Variants in C13orf46 observed in about 807,000 individuals in gnomAD.
The protein encoded by C13orf46 is chromosome 13 open reading frame 46.
chr13:113,939,076 C>T, the C13orf46 span, among the ~76,000 whole-genome samples: 3 of 152,228 alleles, frequency 2.0e-5, no homozygotes, highest in South Asian at 2.1e-4. Context: ...TTGTAAACTC[C>T]GGGAGGGCAG....
chr13:113,945,619 A>G, the C13orf46 span, among the ~76,000 whole-genome samples: 1 of 121,898 alleles, frequency 8.2e-6, no homozygotes, highest in South Asian at 2.6e-4. Context: ...AAAGAAAGAA[A>G]GAAAGAAAGA....
At chr13:113,943,956 C>T in the C13orf46 span, among the ~76,000 whole-genome samples, 2 of 152,186 alleles carry the variant, frequency 1.3e-5, no homozygotes, top group Non-Finnish European at 2.9e-5. Flanking sequence ...TCATCACTGA[C>T]GGGCTGCTCT....
the C13orf46 span, among the ~76,000 whole-genome samples, chr13:113,943,874 G>A: frequency 1.3e-5 from 2 of 152,138 alleles, no homozygotes; most frequent in South Asian, 2.1e-4. Flanking sequence ...GCAAATGCCC[G>A]CAGTCCCTGC....
chr13:113,938,728 C>T, the C13orf46 span, among the ~76,000 whole-genome samples: 7 of 152,316 alleles, frequency 4.6e-5, no homozygotes, highest in South Asian at 2.1e-4. Flanking sequence ...ACACGTCCGC[C>T]GTGAACTTTC....
chr13:113,964,769 C>T (rs1010837079), intron 6 of C13orf46, among the ~76,000 whole-genome samples, 158 bp downstream of exon 6: 2 of 152,188 alleles, frequency 1.3e-5, no homozygotes, highest in African/African-American at 4.8e-5. Context: ...CCCTCAGGCT[C>T]GGCAGGTGCT....
chr13:113,960,902 C>A (rs1322099827), intron 6 of C13orf46, among the ~76,000 whole-genome samples: 28 of 152,364 alleles, frequency 1.8e-4, no homozygotes, highest in African/African-American at 6.7e-4. Context: ...GGCTTAAAAA[C>A]CAAATATTTT....
Position 113,954,865 on chromosome 13 carries a change from T to C in C13orf46, c.*1908A>G, listed in dbSNP as rs1246308665. 4 of 158,748 alleles carry C rather than the reference T, an allele frequency of 2.5e-5. No homozygotes were observed. The highest frequency in any genetic ancestry group is 5.1e-5 in the Non-Finnish European group (4 of 77,686). The allele number at this position is 158,748 out of a possible 1,614,324, so 9.8% of individuals were successfully genotyped here. On this transcript the variant is annotated 3_prime_UTR_variant, in exon 7 of 7. Transcript: ENST00000636427. ...TCCGGTGGAGATGAGGAGCATCTCGTGGGGAGGAGGAGCATCTGGCAGAGA... is the reference window on the plus strand; with the variant it reads ...TCCGGTGGAGATGAGGAGCATCTCGCGGGGAGGAGGAGCATCTGGCAGAGA...
chr13:113,941,880 T>C, the C13orf46 span, among the ~76,000 whole-genome samples: 1 of 152,238 alleles, frequency 6.6e-6, no homozygotes, highest in Non-Finnish European at 1.5e-5. Context: ...TGCTTTACTC[T>C]CACCGCCTTC....
chr13:113,940,095 C>T, the C13orf46 span, among the ~76,000 whole-genome samples: 2 of 152,250 alleles, frequency 1.3e-5, no homozygotes, highest in Non-Finnish European at 2.9e-5. Context: ...CCTGGCCCTG[C>T]CCATGCGGCC....
At chr13:113,935,552 G>A in the C13orf46 span, among the ~76,000 whole-genome samples, 1 of 152,220 alleles carries the variant, frequency 6.6e-6, no homozygotes, top group Non-Finnish European at 1.5e-5. Flanking sequence ...ATATCTCCCA[G>A]AAAGCAAACA....
chr13:113,971,760 C>T (rs1455093673), intron 1 of C13orf46, among the ~76,000 whole-genome samples: 1 of 152,210 alleles, frequency 6.6e-6, no homozygotes, highest in Non-Finnish European at 1.5e-5. Context: ...ACCAAGTCTG[C>T]GAGGGGTGAG....
At chr13:113,938,647 C>T in the C13orf46 span, among the ~76,000 whole-genome samples, 1 of 152,224 alleles carries the variant, frequency 6.6e-6, no homozygotes, top group Non-Finnish European at 1.5e-5. Flanking sequence ...TTCAAGCGTC[C>T]TGGGGGTTCA....
chr13:113,947,279 G>A, the C13orf46 span, among the ~76,000 whole-genome samples: 1 of 152,188 alleles, frequency 6.6e-6, no homozygotes, highest in East Asian at 1.9e-4. Context: ...GAAGGGGGTT[G>A]GGGGAGGCTG....
intron 6 of C13orf46, among the ~76,000 whole-genome samples, chr13:113,964,406 A>C (rs2052617314): frequency 6.6e-6 from 1 of 152,120 alleles, no homozygotes; most frequent in African/African-American, 2.4e-5. Flanking sequence ...CACAGCATCC[A>C]GCCTGGGGAC....
At chr13:113,939,448 A>G in the C13orf46 span, among the ~76,000 whole-genome samples, 3 of 152,006 alleles carry the variant, frequency 2.0e-5, no homozygotes, top group South Asian at 2.1e-4. Context: ...GGATCACCCA[A>G]CTGGGAAGAT....
chr13:113,939,320 A>G, the C13orf46 span, among the ~76,000 whole-genome samples: 1 of 152,084 alleles, frequency 6.6e-6, no homozygotes, highest in Non-Finnish European at 1.5e-5. Context: ...CAGAGCCAGA[A>G]GGGGACCACC....
At chr13:113,935,267 G>C in the C13orf46 span, among the ~76,000 whole-genome samples, 1 of 152,260 alleles carries the variant, frequency 6.6e-6, no homozygotes. Flanking sequence ...GCTCCTCAGG[G>C]AGAGGTGGAA....
At chr13:113,961,310 A>G (rs1286167226) in intron 6 of C13orf46, among the ~76,000 whole-genome samples, 1 of 151,958 alleles carries the variant, frequency 6.6e-6, no homozygotes, top group African/African-American at 2.4e-5. Flanking sequence ...ATATAATATC[A>G]GTCATAATTT....
intron 6 of C13orf46, among the ~76,000 whole-genome samples, chr13:113,962,976 A>G (rs889567472): frequency 1.3e-5 from 2 of 152,282 alleles, no homozygotes; most frequent in Non-Finnish European, 2.9e-5. Context: ...GGCAGAGTGC[A>G]ATGTTCTCGA....
Sources: gnomAD v4.1 joint callset for allele counts (sites outside exome capture counted in the v4.1 genomes callset) on GRCh38, gnomAD v4.1.1 for gene constraint, MANE v1.5 for transcripts, NCBI Gene and HGNC (gene_info 2026-07-23, HGNC 2026-07-21) for gene names.